Variants in PTPRD observed in about 807,000 individuals in gnomAD.
PTPRD encodes receptor-type tyrosine-protein phosphatase delta.
A neutral mutation model predicts 214.5 loss-of-function variants in PTPRD; 34 were observed. The ratio of observed to expected loss-of-function variants is 0.16; its 90% CI spans 0.12 to 0.21. The LOEUF (loss-of-function observed/expected upper bound fraction) is 0.21, where lower values mean the gene tolerates loss of function less well. Ranked by LOEUF, PTPRD falls within the 10% of genes least tolerant of loss-of-function variation. PTPRD has a pLI of 1.00. For missense variants in PTPRD, 2,545 were observed against 2,398.7 expected (o/e 1.06, Z -1.27); for synonymous variants, 1,128 against 845.7 (o/e 1.33, Z -5.79).
intron 11 of PTPRD, among the ~76,000 whole-genome samples, chr9:8,926,502 T>C (rs1481493461): frequency 6.6e-6 from 1 of 152,148 alleles, no homozygotes; most frequent in Non-Finnish European, 1.5e-5. Flanking sequence ...GACCCTGAAC[T>C]CTAGAAAGGA....
At chr9:9,792,644 A>G (rs997329495) in intron 5 of PTPRD, among the ~76,000 whole-genome samples, 2 of 152,188 alleles carry the variant, frequency 1.3e-5, no homozygotes, top group East Asian at 3.9e-4. Flanking sequence ...AAGTACACTC[A>G]GTGGCTTCAA....
chr9:10,118,626 T>C (rs976161537), intron 3 of PTPRD, among the ~76,000 whole-genome samples: 2 of 151,618 alleles, frequency 1.3e-5, no homozygotes, highest in African/African-American at 2.4e-5. Flanking sequence ...GAATTAAAGA[T>C]GTTAGTTGGC....
intron 9 of PTPRD, 132 bp downstream of exon 9, chr9:9,397,317 T>C (rs989705315): frequency 2.6e-5 from 4 of 152,138 alleles, no homozygotes; most frequent in Non-Finnish European, 4.4e-5. Context: ...CATCCTAAAA[T>C]GCCTAATGAA....
chr9:10,295,394 T>C (rs2095645336), intron 3 of PTPRD, among the ~76,000 whole-genome samples: 1 of 152,040 alleles, frequency 6.6e-6, no homozygotes, highest in African/African-American at 2.4e-5. Context: ...CATGGAGAAA[T>C]TACCAAGAAT....
chr9:8,416,479 G>C (rs562633192), intron 35 of PTPRD, among the ~76,000 whole-genome samples: 2 of 152,262 alleles, frequency 1.3e-5, no homozygotes, highest in African/African-American at 4.8e-5. Context: ...AAAGAGAGTT[G>C]CAGAATACTT....
chr9:10,587,829 A>G (rs992483913), intron 2 of PTPRD, among the ~76,000 whole-genome samples: 1 of 152,052 alleles, frequency 6.6e-6, no homozygotes, highest in Non-Finnish European at 1.5e-5. Flanking sequence ...AGGAGTAGGT[A>G]TAAGGGCTGT....
intron 5 of PTPRD, among the ~76,000 whole-genome samples, chr9:9,914,946 C>T (rs2080272944): frequency 6.6e-6 from 1 of 152,184 alleles, no homozygotes; most frequent in African/African-American, 2.4e-5. Context: ...GCCAGAGTAA[C>T]ATCCCTGTAG....
intron 11 of PTPRD, among the ~76,000 whole-genome samples, chr9:8,964,155 T>A (rs1027302134): frequency 4.2e-4 from 62 of 146,418 alleles, no homozygotes; most frequent in African/African-American, 1.4e-3. Flanking sequence ...GTACATCTGG[T>A]GGAATTTGGC....
rs183750467 is a variant in PTPRD, at chr9:10,441,606, T to C, written c.-599-100589A>G. On this transcript the variant is annotated intron_variant, in intron 2 of 45. Coordinates refer to ENST00000381196, the MANE Select transcript of PTPRD (RefSeq NM_002839.4). Reference sequence around the variant, plus strand: ...CAACTTATCCTTATTATTGTGCTTATTACTTACTATACTATACTCATCTGT... The same window carrying C: ...CAACTTATCCTTATTATTGTGCTTACTACTTACTATACTATACTCATCTGT... 4.6e-5 allele frequency among the ~76,000 whole-genome samples: 7 copies of C among 151,782 alleles called. No homozygotes were observed. The East Asian group carries it at 1.4e-3, about 29-fold the overall frequency.
intron 3 of PTPRD, among the ~76,000 whole-genome samples, chr9:10,206,617 A>G (rs1347347839): frequency 6.6e-6 from 1 of 152,228 alleles, no homozygotes; most frequent in Non-Finnish European, 1.5e-5. Context: ...ATGGAGAATT[A>G]TATCTCAACT....
chr9:10,258,755 TTCTC>T (rs1289166739), intron 3 of PTPRD, among the ~76,000 whole-genome samples: 8 of 150,262 alleles, frequency 5.3e-5, no homozygotes, highest in African/African-American at 1.5e-4. Context: ...CTCTCTCTCT[TTCTC>T]TCTCTTTCTT....
chr9:9,289,554 T>C (rs1391844400), intron 9 of PTPRD, among the ~76,000 whole-genome samples: 1 of 151,852 alleles, frequency 6.6e-6, no homozygotes, highest in East Asian at 1.9e-4. Flanking sequence ...TTCATCATAC[T>C]GTAAATTAGA....
intron 14 of PTPRD, among the ~76,000 whole-genome samples, chr9:8,530,981 G>A (rs1352935547): frequency 6.6e-6 from 1 of 152,074 alleles, no homozygotes; most frequent in Non-Finnish European, 1.5e-5. Context: ...TTTGACACCT[G>A]ATTCATGACA....
chr9:10,479,658 T>TAAATAAATAAATAAAC (rs141946645), intron 2 of PTPRD, among the ~76,000 whole-genome samples: 171 of 145,910 alleles, frequency 1.2e-3, no homozygotes, highest in African/African-American at 4.1e-3. Flanking sequence ...AATAAATAAA[T>TAAATAAATAAATAAAC]AAACAAAAAT....
At chr9:8,727,009 G>A (rs941493597) in intron 12 of PTPRD, among the ~76,000 whole-genome samples, 1 of 151,608 alleles carries the variant, frequency 6.6e-6, no homozygotes, top group Non-Finnish European at 1.5e-5. Context: ...AGTAGATCAG[G>A]TACATAGAAA....
chr9:9,574,566 C>T (rs1243573005), intron 8 of PTPRD, among the ~76,000 whole-genome samples, 166 bp downstream of exon 8: 3 of 151,738 alleles, frequency 2.0e-5, no homozygotes, highest in African/African-American at 7.3e-5. Context: ...ATAATCTATC[C>T]AAGAACATAA....
chr9:9,200,581 G>A (rs113838912), intron 9 of PTPRD, among the ~76,000 whole-genome samples: 2 of 152,268 alleles, frequency 1.3e-5, no homozygotes, highest in Non-Finnish European at 2.9e-5. Context: ...TTTGCCTAAG[G>A]TAACACAGGA....
chr9:9,080,127 C>T (rs567933270), intron 10 of PTPRD, among the ~76,000 whole-genome samples: 2 of 151,928 alleles, frequency 1.3e-5, no homozygotes, highest in East Asian at 3.9e-4. Context: ...GTACTAGATC[C>T]CTGAATGCAT....
At chr9:9,402,720 A>C (rs769606363) in intron 8 of PTPRD, among the ~76,000 whole-genome samples, 7 of 107,446 alleles carry the variant, frequency 6.5e-5, no homozygotes, top group African/African-American at 1.1e-4. Flanking sequence ...CTGAGCAAGT[A>C]TGTGAAAGAC....
Sources: allele counts gnomAD v4.1 joint callset (sites outside exome capture counted in the v4.1 genomes callset), GRCh38; gene constraint gnomAD v4.1.1; transcripts MANE v1.5; gene names NCBI Gene and HGNC (gene_info 2026-07-23, HGNC 2026-07-21).